SPON1: variants seen among roughly 807,000 people sequenced by gnomAD.
SPON1 encodes the protein spondin 1.
SPON1 carries 52 observed loss-of-function variants against 111.7 expected under a neutral mutation model. That is an observed-to-expected ratio of 0.47 (90% CI 0.37 to 0.59). SPON1 has a LOEUF of 0.59. Ranked by LOEUF, SPON1 falls within the 20% of genes least tolerant of loss-of-function variation. The pLI is 0.00. For synonymous variants in SPON1, 410 were observed against 395.8 expected (o/e 1.04, Z -0.43); for missense variants, 957 against 1,068.5 (o/e 0.90, Z 1.46).
intron 1 of SPON1, among the ~76,000 whole-genome samples, chr11:13,973,788 G>T (rs1554908844): frequency 6.6e-6 from 1 of 152,206 alleles, no homozygotes; most frequent in African/African-American, 2.4e-5. Flanking sequence ...AGGACATGTA[G>T]ACAAGGAGAG....
At chr11:14,052,267 A>ATACTT (rs1554918684) in intron 3 of SPON1, among the ~76,000 whole-genome samples, 1 of 152,218 alleles carries the variant, frequency 6.6e-6, no homozygotes, top group Non-Finnish European at 1.5e-5. Flanking sequence ...ATTAGCTAGC[A>ATACTT]CTCATAATAC....
chr11:14,020,400 T>C (rs1382660107), intron 2 of SPON1, among the ~76,000 whole-genome samples: 1 of 152,190 alleles, frequency 6.6e-6, no homozygotes, highest in Non-Finnish European at 1.5e-5. Flanking sequence ...AGAGTGACCA[T>C]TGCCAGTGCA....
intron 6 of SPON1, among the ~76,000 whole-genome samples, chr11:14,238,635 G>T (rs1848891536): frequency 6.6e-6 from 1 of 152,152 alleles, no homozygotes; most frequent in Non-Finnish European, 1.5e-5. Flanking sequence ...ATCTGTCCCA[G>T]ATCTGTTTTC....
At chr11:14,072,633 A>G (rs782301000) in intron 3 of SPON1, among the ~76,000 whole-genome samples, 1 of 152,168 alleles carries the variant, frequency 6.6e-6, no homozygotes, top group East Asian at 1.9e-4. Context: ...TGAAGCCAGG[A>G]CATGTCTGGG....
chr11:14,257,859 G>A lies in SPON1; in HGVS notation c.1453G>A (p.Asp485Asn). ...DLSVPCPDTQ[D>N]FQPCMGPGCS... ...CAGCGTCCCCTGCCCTGACACCCAG[G>A]ACTTCCAGCCCTGCATGGGCCCTGG... Residue 485 changes from aspartate to asparagine, a missense_variant, in exon 11 of 16, where the codon GAC becomes AAC. By Grantham distance (23) the Asp-to-Asn change is conservative. Coordinates refer to ENST00000576479, the MANE Select transcript of SPON1 (RefSeq NM_006108.4). 1 of 1,581,796 alleles carries A rather than the reference G, an allele frequency of 6.3e-7. No homozygotes were observed. Among genetic ancestry groups the A allele is most frequent in the Non-Finnish European group, 8.6e-7 (1 of 1,164,614 alleles).
intron 2 of SPON1, among the ~76,000 whole-genome samples, chr11:14,017,761 G>T (rs1554914443): frequency 6.6e-6 from 1 of 152,164 alleles, no homozygotes; most frequent in East Asian, 1.9e-4. Flanking sequence ...CCAAAACTCT[G>T]CTTACTATTT....
intron 1 of SPON1, among the ~76,000 whole-genome samples, chr11:13,976,562 C>T (rs1220596182): frequency 6.6e-6 from 1 of 152,178 alleles, no homozygotes; most frequent in Non-Finnish European, 1.5e-5. Flanking sequence ...TTGTGTACAA[C>T]CTTAGCTTTC....
At chr11:13,990,503 G>C (rs1554911020) in intron 2 of SPON1, among the ~76,000 whole-genome samples, 1 of 149,312 alleles carries the variant, frequency 6.7e-6, no homozygotes. Flanking sequence ...ACAGCACACT[G>C]ATGGGTCTTG....
chr11:14,042,265 T>C (rs1275506120), intron 3 of SPON1, among the ~76,000 whole-genome samples: 2 of 152,086 alleles, frequency 1.3e-5, no homozygotes, highest in Non-Finnish European at 2.9e-5. Flanking sequence ...AGAATGATGG[T>C]TTGGGAAATG....
chr11:14,199,149 T>C (rs1848434018), intron 6 of SPON1, among the ~76,000 whole-genome samples: 1 of 152,126 alleles, frequency 6.6e-6, no homozygotes, highest in South Asian at 2.1e-4. Flanking sequence ...AATGAATAAA[T>C]AGTGCACAGC....
chr11:13,984,106 C>T (rs1040186745), intron 2 of SPON1, among the ~76,000 whole-genome samples: 2 of 152,182 alleles, frequency 1.3e-5, no homozygotes, highest in Admixed American at 6.5e-5. Context: ...ATAATACTAG[C>T]AACAGCCAAT....
intron 6 of SPON1, among the ~76,000 whole-genome samples, chr11:14,184,777 G>A (rs533878161): frequency 6.6e-6 from 1 of 152,212 alleles, no homozygotes; most frequent in African/African-American, 2.4e-5. Context: ...ATTCCTGAGA[G>A]CCAGCCAGGC....
chr11:14,078,516 A>T (rs578228343), intron 4 of SPON1, among the ~76,000 whole-genome samples: 1 of 152,166 alleles, frequency 6.6e-6, no homozygotes, highest in South Asian at 2.1e-4. Context: ...ACAATAAAAA[A>T]GTTTTCTCTC....
At chr11:14,105,568 A>T (rs1564906402) in intron 5 of SPON1, among the ~76,000 whole-genome samples, 1 of 152,036 alleles carries the variant, frequency 6.6e-6, no homozygotes, top group Non-Finnish European at 1.5e-5. Context: ...TTATTGATTC[A>T]TACTTCCCAT....
At chr11:14,057,222 A>G (rs1238380508) in intron 3 of SPON1, among the ~76,000 whole-genome samples, 2 of 152,192 alleles carry the variant, frequency 1.3e-5, no homozygotes, top group African/African-American at 4.8e-5. Flanking sequence ...AATGTGTGCC[A>G]CCTGATAGGA....
Position 14,135,638 on chromosome 11 carries a change from C to T in SPON1, c.825+70C>T. The T allele has an allele frequency of 6.7e-7, 1 of 1,497,422 alleles. No homozygotes were observed. The highest frequency in any genetic ancestry group is 1.2e-5 in the South Asian group (1 of 81,714). The allele number at this position is 1,497,422 out of a possible 1,614,324, so 92.8% of individuals were successfully genotyped here. On this transcript the variant is annotated intron_variant, in intron 6 of 15. Coordinates refer to ENST00000576479, the MANE Select transcript of SPON1 (RefSeq NM_006108.4). The surrounding 1 kb of genome is among the most constrained non-coding windows in gnomAD (Gnocchi z 4.4). ...TCAAAGCACTCCTTAGATATCTTTC[C>T]CAGGGGCTTGAAATTTGCAGTACAA...
At chr11:13,981,778 G>A (rs557334368) in intron 1 of SPON1, among the ~76,000 whole-genome samples, 1 of 152,320 alleles carries the variant, frequency 6.6e-6, no homozygotes, top group African/African-American at 2.4e-5. Flanking sequence ...TTTCTGGTCA[G>A]TAGGTGATTT....
At chr11:14,218,713 T>C (rs993515630) in intron 6 of SPON1, among the ~76,000 whole-genome samples, 1 of 152,146 alleles carries the variant, frequency 6.6e-6, no homozygotes, top group African/African-American at 2.4e-5. Flanking sequence ...ATCCATAGGA[T>C]CAGTTCTGTG....
At chr11:14,008,875 A>G (rs1848383878) in intron 2 of SPON1, among the ~76,000 whole-genome samples, 1 of 152,128 alleles carries the variant, frequency 6.6e-6, no homozygotes, top group African/African-American at 2.4e-5. Context: ...CCTTACAACA[A>G]ACAAAATTCC....
Sources: allele counts gnomAD v4.1 joint callset (sites outside exome capture counted in the v4.1 genomes callset), GRCh38; gene constraint gnomAD v4.1.1; non-coding constraint Gnocchi (gnomAD v3.1); transcripts MANE v1.5; gene names NCBI Gene and HGNC (gene_info 2026-07-23, HGNC 2026-07-21).